The following KALRN variants were observed in gnomAD, a reference collection of about 807,000 sequenced individuals.
KALRN encodes the protein kalirin.
Under a neutral mutation model 353.7 loss-of-function variants are expected in KALRN, and 70 were observed. The observed-to-expected ratio is 0.20, with a 90% CI of 0.16 to 0.24. The LOEUF (loss-of-function observed/expected upper bound fraction) is 0.24. Ranked by LOEUF, KALRN falls within the 10% of genes least tolerant of loss-of-function variation. The pLI, the probability that KALRN is intolerant of heterozygous loss-of-function variation, is 1.00. For missense variants in KALRN, 2,791 were observed against 3,756.7 expected, an observed-to-expected ratio of 0.74 and a Z score of 6.72; for synonymous variants, 1,391 against 1,434.8, an observed-to-expected ratio of 0.97 and a Z score of 0.69.
At chr3:124,189,276 G>A (rs2074611977) in intron 1 of KALRN, among the ~76,000 whole-genome samples, 1 of 152,172 alleles carries the variant, frequency 6.6e-6, no homozygotes, top group Admixed American at 6.5e-5. Context: ...GATTGAACAT[G>A]CCAGTTAGTT....
In KALRN at chr3:124,152,200, T is replaced by A. The variant is rs866871552; in HGVS notation, c.74-75790T>A. 8.2e-6 allele frequency: 13 copies of A among 1,580,018 alleles called. No homozygotes were observed. In the South Asian group the frequency reaches 1.4e-4, roughly 17 times the overall value. The stretch of plus-strand genomic sequence containing the variant: ...AGTGTTATCTGTCAAAGCAATTCGC[T>A]TCTTATTGATTTTGCCATAACCACG... On this transcript the variant is annotated intron_variant, in intron 1 of 59. Transcript: ENST00000682506.
intron 34 of KALRN, among the ~76,000 whole-genome samples, chr3:124,606,575 A>G (rs1412126984): frequency 6.6e-6 from 1 of 152,256 alleles, no homozygotes; most frequent in Non-Finnish European, 1.5e-5. Flanking sequence ...TCTACTTTAA[A>G]ATGTTTTTCT....
chr3:124,379,109 C>G (rs2086968468), intron 10 of KALRN, among the ~76,000 whole-genome samples: 1 of 152,070 alleles, frequency 6.6e-6, no homozygotes, highest in South Asian at 2.1e-4. Context: ...TTTTTTCTCT[C>G]AGTATTTTAG....
intron 1 of KALRN, among the ~76,000 whole-genome samples, chr3:124,089,087 GA>G (rs967302012): frequency 1.6e-4 from 24 of 151,054 alleles, no homozygotes; most frequent in African/African-American, 4.1e-4. Context: ...GGACTAAGTA[GA>G]AAAAAAAATG....
chr3:124,609,853 T>C (rs1000825000), intron 34 of KALRN, among the ~76,000 whole-genome samples: 2 of 152,244 alleles, frequency 1.3e-5, no homozygotes, highest in African/African-American at 4.8e-5. Context: ...CCTCATTTTA[T>C]AGATGAGTAA....
At chr3:124,547,621 C>G (rs1044223617) in intron 33 of KALRN, among the ~76,000 whole-genome samples, 4 of 152,136 alleles carry the variant, frequency 2.6e-5, no homozygotes, top group African/African-American at 7.2e-5. Context: ...CCCAGAGTGA[C>G]TGTCTCTAGA....
chr3:124,170,029 A>G (rs1300270372), intron 1 of KALRN, among the ~76,000 whole-genome samples: 1 of 152,234 alleles, frequency 6.6e-6, no homozygotes. Context: ...AACCAAGAGC[A>G]TTTCAGAGTT....
intron 33 of KALRN, among the ~76,000 whole-genome samples, chr3:124,547,298 C>A (rs927707934): frequency 1.3e-5 from 2 of 150,732 alleles, no homozygotes; most frequent in South Asian, 4.3e-4. Context: ...CTGTGCCAGG[C>A]CAAAATAATT....
intron 47 of KALRN, among the ~76,000 whole-genome samples, chr3:124,670,029 G>A (rs1260048453): frequency 4.6e-5 from 7 of 150,954 alleles, no homozygotes. Flanking sequence ...GAGTGCAGTG[G>A]CGCAATCTCA....
At chr3:124,661,789 A>G (rs2084907105) in intron 44 of KALRN, 62 bp from the exon 45 acceptor site, 2 of 1,314,744 alleles carry the variant, frequency 1.5e-6, no homozygotes, top group Non-Finnish European at 2.2e-6. Flanking sequence ...GCACTGAATT[A>G]CCAAGAGCTT....
chr3:124,222,077 A>G (rs1409949551), intron 1 of KALRN, among the ~76,000 whole-genome samples: 5 of 152,174 alleles, frequency 3.3e-5, no homozygotes, highest in African/African-American at 9.6e-5. Context: ...CTTTAGGGCT[A>G]TCTTAGAGAT....
chr3:124,082,352 C>A (rs778273417), intron 1 of KALRN: 1 of 469,908 alleles, frequency 2.1e-6, no homozygotes, highest in South Asian at 1.6e-5. Flanking sequence ...AATTCTGTTT[C>A]CTATTTTTTC....
chr3:124,124,051 T>C (rs143322881), intron 1 of KALRN, among the ~76,000 whole-genome samples: 3 of 152,380 alleles, frequency 2.0e-5, no homozygotes, highest in African/African-American at 7.2e-5. Context: ...AGTCTTATTA[T>C]TTAAGAAGTA....
chr3:124,158,757 G>C (rs1289311313), intron 1 of KALRN, among the ~76,000 whole-genome samples: 1 of 152,150 alleles, frequency 6.6e-6, no homozygotes, highest in African/African-American at 2.4e-5. Flanking sequence ...GCAATGGATG[G>C]GGATTCACTT....
intron 6 of KALRN, 110 bp from the exon 7 acceptor site, chr3:124,325,870 T>C (rs1475475479): frequency 2.5e-6 from 2 of 814,820 alleles, no homozygotes; most frequent in Admixed American, 2.2e-5. Flanking sequence ...TACCAGCGTC[T>C]CTCAGACTTT....
chr3:124,347,669 C>G (rs2149559909), intron 10 of KALRN, among the ~76,000 whole-genome samples: 1 of 152,228 alleles, frequency 6.6e-6, no homozygotes. Context: ...CCCAGGGCTA[C>G]TGCTTATGAT....
chr3:124,180,416 T>C (rs1474715728), intron 1 of KALRN, among the ~76,000 whole-genome samples: 1 of 152,042 alleles, frequency 6.6e-6, no homozygotes, highest in Non-Finnish European at 1.5e-5. Flanking sequence ...TCAAGAAAGG[T>C]AGAATAAGCG....
chr3:124,678,414 T>TC (rs1258225487), intron 50 of KALRN, 101 bp downstream of exon 50: 193 of 1,242,208 alleles, frequency 1.6e-4, no homozygotes, highest in East Asian at 7.1e-4. Context: ...TTTTTTTTTT[T>TC]CCCAGTATGG....
rs917638597 is a variant in KALRN, at chr3:124,522,630, C to T, written c.4935+26217C>T. ...GATTGTTAAAGCACAGACTGCAGGG[C>T]TGCACCCCCGGAGTTTGTGGTTCAA... On this transcript the variant is annotated intron_variant, in intron 33 of 59. Transcript: ENST00000682506. Among the ~76,000 whole-genome samples, 11 of 152,310 alleles carry T rather than the reference C, an allele frequency of 7.2e-5. 1 individual carries two copies. Among genetic ancestry groups the T allele is most frequent in the Admixed American group, 5.9e-4 (9 of 15,302 alleles).
Sources: gnomAD v4.1 joint callset for allele counts (sites outside exome capture counted in the v4.1 genomes callset) on GRCh38, gnomAD v4.1.1 for gene constraint, MANE v1.5 for transcripts, NCBI Gene and HGNC (gene_info 2026-07-23, HGNC 2026-07-21) for gene names.